The following FAM47C variants were observed in gnomAD, a reference collection of about 807,000 sequenced individuals.
The protein encoded by FAM47C is putative protein FAM47C.
For missense variants in FAM47C, 847 were observed against 879.9 expected (o/e 0.96, Z 0.47); for synonymous variants, 307 against 346.5 (o/e 0.89, Z 1.27).
Position 37,010,844 on chromosome X carries a change from C to A in FAM47C, c.2434C>A (p.Leu812Ile), listed in dbSNP as rs1927779111. 3 of 1,211,899 alleles carry A rather than the reference C, an allele frequency of 2.5e-6. No homozygotes were observed. Among genetic ancestry groups the A allele is most frequent in the South Asian group, 1.8e-5 (1 of 56,959 alleles). The change falls in exon 1 of 1, where the codon CTC becomes ATC. Residue 812 changes from leucine to isoleucine, a missense_variant. Physicochemically the swap from Leu to Ile is conservative, Grantham distance 5. Transcript: ENST00000358047. Reference sequence around the variant, plus strand: ...TCCCAAGACTGGTCGGGTGTCCAGTCTCTGCCCGGAGCCTACCAAGACCGG... The same window carrying A: ...TCCCAAGACTGGTCGGGTGTCCAGTATCTGCCCGGAGCCTACCAAGACCGG... ...EPPKTGRVSS[L>I]CPEPTKTGAS...
chrX:37,010,530 C>T lies in FAM47C; in HGVS notation c.2120C>T (p.Pro707Leu), dbSNP rs140624380. The T allele has an allele frequency of 1.1e-5, 13 of 1,203,230 alleles. No individual in the cohort carries two copies. In the African/African-American group the frequency reaches 2.2e-4, roughly 20 times the overall value. Residue 707 changes from proline (P) to leucine (L), a missense_variant, in exon 1 of 1, where the codon CCC becomes CTC. Coordinates refer to ENST00000358047, the MANE Select transcript of FAM47C (RefSeq NM_001013736.3). ...GTGTCCCGTCTCCACCCAGAGCCTCCCAAGACTCGGGTGTCCAGTCTCCAC... is the reference window on the plus strand; with the variant it reads ...GTGTCCCGTCTCCACCCAGAGCCTCTCAAGACTCGGGTGTCCAGTCTCCAC... ...TGVSRLHPEP[P>L]KTRVSSLHAE...
At position 37,008,385 on chromosome X, in the gene FAM47C, G is replaced by A. The variant is rs1398262408; in HGVS notation, c.-26G>A. The A allele has an allele frequency of 2.1e-5, 24 of 1,162,111 alleles. No individual in the cohort carries two copies. Among genetic ancestry groups the A allele is most frequent in the Non-Finnish European group, 2.6e-5 (23 of 868,272 alleles). On this transcript the variant is annotated 5_prime_UTR_variant, in exon 1 of 1. Transcript: ENST00000358047. The stretch of plus-strand genomic sequence containing the variant: ...GGGATCAGGAACCGCGGAAACTGGA[G>A]AGGTGGCACCCCAGCGAGGGCCACC...
Position 37,011,215 on chromosome X carries a change from G to C in FAM47C, c.2805G>C (p.Lys935Asn). 13 of 1,211,405 alleles carry C rather than the reference G, an allele frequency of 1.1e-5. No homozygotes were observed. Among genetic ancestry groups the C allele is most frequent in the Non-Finnish European group, 1.5e-5 (13 of 895,302 alleles). ...APNSHSAQHV[K>N]MGYGAWYLKP... ...ATTCTCATAGTGCACAGCATGTGAA[G>C]ATGGGGTATGGAGCATGGTACCTCA... The change falls in exon 1 of 1, where the codon AAG (lysine) becomes AAC (asparagine). Residue 935 changes from lysine to asparagine, a missense_variant. Lys to Asn is a moderately conservative substitution (Grantham distance 94). Coordinates refer to ENST00000358047, the MANE Select transcript of FAM47C (RefSeq NM_001013736.3).
At position 37,009,528 on chromosome X, in the gene FAM47C, C is replaced by A; in HGVS notation, c.1118C>A (p.Ala373Asp). 1 of 1,208,828 alleles carries A rather than the reference C, an allele frequency of 8.3e-7. No homozygotes were observed. Among genetic ancestry groups the A allele is most frequent in the Non-Finnish European group, 1.1e-6 (1 of 894,329 alleles). ...CCTCTCCGCCAGCTGCCTCCCGAGG[C>A]TGGAGTGTCCCATCTCTGCCCGGAA... ...VSPLRQLPPE[A>D]GVSHLCPEPP... The change falls in exon 1 of 1, where the codon GCT (alanine) becomes GAT (aspartate). Residue 373 changes from alanine to aspartate, a missense_variant. By Grantham distance (126) the Ala-to-Asp change is moderately radical (BLOSUM62 -2). Coordinates refer to ENST00000358047, the MANE Select transcript of FAM47C (RefSeq NM_001013736.3).
In FAM47C at chrX:37,011,600, G is replaced by T. The variant is rs1468566091; in HGVS notation, c.*82G>T. 1.3e-5 allele frequency: 12 copies of T among 895,435 alleles called. No individual in the cohort carries two copies. In the African/African-American group the frequency reaches 2.4e-4, roughly 18 times the overall value. 73.8% of individuals were successfully genotyped at this position (895,435 alleles called of 1,213,427 possible). On this transcript the variant is annotated 3_prime_UTR_variant, in exon 1 of 1. Transcript: ENST00000358047. ...TCAGAATTTATGATGACTGGCCCCA[G>T]GAATGTACAACGTTGGCAACATCTG...
At position 37,011,422 on chromosome X, in the gene FAM47C, G is replaced by A. The variant is rs782560952; in HGVS notation, c.3012G>A (p.Arg1004=). The change falls in exon 1 of 1, where the codon AGG becomes AGA. Residue 1004 remains arginine, a synonymous_variant. Transcript: ENST00000358047. ...TCATTCAAAGGCTGTTTGCCAGGAG[G>A]GGATGGACTTATGACTCTGTTAAGA... ...PGIIQRLFAR[R]GWTYDSVKTP... 45 of 1,210,434 alleles carry A rather than the reference G, an allele frequency of 3.7e-5. No individual in the cohort carries two copies. The highest frequency in any genetic ancestry group is 4.6e-5 in the Non-Finnish European group (41 of 895,311).
chrX:37,010,417 GC>G lies in FAM47C; in HGVS notation c.2013del (p.Glu672ArgfsTer153), dbSNP rs781887428. ...KTRVSSLPPE[P>X]PETGVSHLCP... ...CTCGGGTGTCCAGTCTCCCCCCGGA[GC>G]CCCCCGAGACTGGAGTGTCCCATCT... On this transcript the variant is annotated frameshift_variant, in exon 1 of 1. Transcript: ENST00000358047. LOFTEE classifies it low-confidence loss of function (END_TRUNC). The G allele has an allele frequency of 8.5e-7, 1 of 1,179,536 alleles. No homozygotes were observed. The highest frequency in any genetic ancestry group is 1.1e-6 in the Non-Finnish European group (1 of 882,677).
In FAM47C at chrX:37,010,520, C is replaced by T. The variant is rs200610681; in HGVS notation, c.2110C>T (p.Pro704Ser). The T allele has an allele frequency of 1.7e-4, 201 of 1,203,730 alleles. No homozygotes were observed. The highest frequency in any genetic ancestry group is 2.0e-4 in the Non-Finnish European group (182 of 893,370). The change falls in exon 1 of 1, where the codon CCA becomes TCA. Residue 704 changes from proline to serine, a missense_variant. Coordinates refer to ENST00000358047, the MANE Select transcript of FAM47C (RefSeq NM_001013736.3). ...PPETGVSRLHPEPPKTRVSSL... is the reference protein window; with the variant it reads ...PPETGVSRLHSEPPKTRVSSL... The stretch of plus-strand genomic sequence containing the variant: ...TGAGACTGGAGTGTCCCGTCTCCAC[C>T]CAGAGCCTCCCAAGACTCGGGTGTC...
chrX:37,008,897 G>A lies in FAM47C; in HGVS notation c.487G>A (p.Gly163Ser), dbSNP rs146977391. ...CCCTGAGAGGAAGCTGGAGGACGCAGGCTCTTGTGAGGGCCAGGAGAAGAC... is the reference window on the plus strand; with the variant it reads ...CCCTGAGAGGAAGCTGGAGGACGCAAGCTCTTGTGAGGGCCAGGAGAAGAC... Reference protein sequence around the residue: ...LDPERKLEDAGSCEGQEKTTD... With the variant: ...LDPERKLEDASSCEGQEKTTD... The change falls in exon 1 of 1, where the codon GGC becomes AGC. Residue 163 changes from glycine (G) to serine (S), a missense_variant. Gly to Ser is a moderately conservative substitution (Grantham distance 56). Transcript: ENST00000358047. 3.3e-5 allele frequency: 40 copies of A among 1,210,293 alleles called. No homozygotes were observed. The highest frequency in any genetic ancestry group is 4.4e-5 in the Non-Finnish European group (39 of 895,191).
Position 37,009,252 on chromosome X carries a change from A to T in FAM47C, c.842A>T (p.His281Leu). 8.3e-7 allele frequency: 1 copy of T among 1,203,350 alleles called. No individual in the cohort carries two copies. Among genetic ancestry groups the T allele is most frequent in the African/African-American group, 1.8e-5 (1 of 54,779 alleles). Residue 281 changes from histidine (H) to leucine (L), a missense_variant, in exon 1 of 1, where the codon CAT (histidine) becomes CTT (leucine). Coordinates refer to ENST00000358047, the MANE Select transcript of FAM47C (RefSeq NM_001013736.3). ...YLEPPGTGVS[H>L]LCPEPPKTRV... ...GAGCCTCCTGGGACTGGAGTGTCTC[A>T]TCTCTGCCCAGAGCCTCCCAAGACT...
In FAM47C at chrX:37,010,701, C is replaced by T. The variant is rs192457922; in HGVS notation, c.2291C>T (p.Pro764Leu). The change falls in exon 1 of 1, where the codon CCG becomes CTG. Residue 764 changes from proline (P) to leucine (L), a missense_variant. Pro to Leu is a moderately conservative substitution (Grantham distance 98). Coordinates refer to ENST00000358047, the MANE Select transcript of FAM47C (RefSeq NM_001013736.3). Reference protein sequence around the residue: ...PLETRVSHLRPEPPETGVSHL... With the variant: ...PLETRVSHLRLEPPETGVSHL... ...GAGACTCGCGTATCTCATCTCCGCC[C>T]GGAGCCTCCTGAGACTGGAGTGTCC... 9.8e-5 allele frequency: 118 copies of T among 1,206,706 alleles called. No individual in the cohort carries two copies. The highest frequency in any genetic ancestry group is 1.3e-4 in the Non-Finnish European group (112 of 894,212).
chrX:37,008,366 A>T lies in FAM47C; in HGVS notation c.-45A>T, dbSNP rs782564488. 20 of 1,129,704 alleles carry T rather than the reference A, an allele frequency of 1.8e-5. No individual in the cohort carries two copies. Among genetic ancestry groups the T allele is most frequent in the Non-Finnish European group, 2.4e-5 (20 of 850,852 alleles). 93.1% of individuals were successfully genotyped at this position (1,129,704 alleles called of 1,213,427 possible). A position where few individuals can be genotyped will look rare whatever the true frequency, so the allele number is the denominator to read the frequency against. On this transcript the variant is annotated 5_prime_UTR_variant, in exon 1 of 1. Coordinates refer to ENST00000358047, the MANE Select transcript of FAM47C (RefSeq NM_001013736.3). ...CCTAGCGACTAGAGCGTCAGGGATC[A>T]GGAACCGCGGAAACTGGAGAGGTGG...
At position 37,009,847 on chromosome X, in the gene FAM47C, A is replaced by G. The variant is rs782305410; in HGVS notation, c.1437A>G (p.Pro479=). ...TGTCCCATCTCTGCCCGGAGCCTCC[A>G]GAGAAGGACGTATCTCATCTCCGCC... is the stretch of plus-strand genomic sequence containing the variant. ...TGVSHLCPEP[P]EKDVSHLRPE... The change falls in exon 1 of 1, where the codon CCA becomes CCG. Residue 479 remains proline (P), a synonymous_variant. Coordinates refer to ENST00000358047, the MANE Select transcript of FAM47C (RefSeq NM_001013736.3). 1 of 1,170,662 alleles carries G rather than the reference A, an allele frequency of 8.5e-7. No individual in the cohort carries two copies.
Position 37,008,751 on chromosome X carries a change from G to A in FAM47C, c.341G>A (p.Arg114Gln), listed in dbSNP as rs782626816. 5.8e-6 allele frequency: 7 copies of A among 1,211,769 alleles called. No homozygotes were observed. The highest frequency in any genetic ancestry group is 7.8e-6 in the Non-Finnish European group (7 of 895,432). The stretch of plus-strand genomic sequence containing the variant: ...AAGCTCTCGCCAGCACAGCCAGCAC[G>A]GAAGGCGTTCGTAGAGGAAGTGGAA... The part of the protein sequence containing the change: ...FSKLSPAQPA[R>Q]KAFVEEVEAQ... The change falls in exon 1 of 1, where the codon CGG becomes CAG. Residue 114 changes from arginine to glutamine, a missense_variant. Coordinates refer to ENST00000358047, the MANE Select transcript of FAM47C (RefSeq NM_001013736.3).
In FAM47C at chrX:37,011,502, C is replaced by A. The variant is rs1556333493; in HGVS notation, c.3092C>A (p.Ala1031Glu). The A allele has an allele frequency of 8.4e-7, 1 of 1,183,970 alleles. No individual in the cohort carries two copies. Among genetic ancestry groups the A allele is most frequent in the Admixed American group, 2.4e-5 (1 of 42,142 alleles). ...AAGTACAAAGAAGACGTCACAGATGCATCGGAAGAAGATTAGATGGTTTTG... is the reference window on the plus strand; with the variant it reads ...AAGTACAAAGAAGACGTCACAGATGAATCGGAAGAAGATTAGATGGTTTTG... ...VYKYKEDVTD[A>E]SEED Residue 1031 changes from alanine to glutamate, a missense_variant, in exon 1 of 1, where the codon GCA (alanine) becomes GAA (glutamate). Transcript: ENST00000358047.
In FAM47C at chrX:37,008,627, C is replaced by T. The variant is rs1556331373; in HGVS notation, c.217C>T (p.Arg73Cys). The T allele has an allele frequency of 8.3e-7, 1 of 1,212,101 alleles. No homozygotes were observed. Among genetic ancestry groups the T allele is most frequent in the South Asian group, 1.8e-5 (1 of 57,018 alleles). ...QSPEDTLVCR[R>C]DEFLLPKISL... ...TCCTGAAGATACGCTTGTTTGTCGC[C>T]GTGACGAGTTTTTACTCCCCAAAAT... Residue 73 changes from arginine (R) to cysteine (C), a missense_variant, in exon 1 of 1, where the codon CGT becomes TGT. Physicochemically the swap from Arg to Cys is radical, Grantham distance 180. Transcript: ENST00000358047.
chrX:37,009,086 C>G lies in FAM47C; in HGVS notation c.676C>G (p.Pro226Ala), dbSNP rs781841477. 7 of 1,210,974 alleles carry G rather than the reference C, an allele frequency of 5.8e-6. No individual in the cohort carries two copies. The highest frequency in any genetic ancestry group is 7.8e-6 in the Non-Finnish European group (7 of 895,226). ...TGGAGTGTCCCATCTCCGCCCACAG[C>G]CTCCCAAGACTCAGGTGTCCAGTCT... ...ETGVSHLRPQ[P>A]PKTQVSSLHL... The change falls in exon 1 of 1, where the codon CCT becomes GCT. Residue 226 changes from proline to alanine, a missense_variant. Coordinates refer to ENST00000358047, the MANE Select transcript of FAM47C (RefSeq NM_001013736.3).
At position 37,011,093 on chromosome X, in the gene FAM47C, T is replaced by G; in HGVS notation, c.2683T>G (p.Ser895Ala). 1 of 1,212,034 alleles carries G rather than the reference T, an allele frequency of 8.3e-7. No individual in the cohort carries two copies. The highest frequency in any genetic ancestry group is 1.1e-6 in the Non-Finnish European group (1 of 895,644). The change falls in exon 1 of 1, where the codon TCA becomes GCA. Residue 895 changes from serine to alanine, a missense_variant. Ser to Ala is a moderately conservative substitution (Grantham distance 99, BLOSUM62 1). Transcript: ENST00000358047. The part of the protein sequence containing the change: ...QKNKKANECS[S>A]GLKYSMELDE... Reference sequence around the variant, plus strand: ...GAATAAGAAGGCAAACGAGTGTTCCTCAGGGCTGAAGTACAGCATGGAGCT... The same window carrying G: ...GAATAAGAAGGCAAACGAGTGTTCCGCAGGGCTGAAGTACAGCATGGAGCT...
Position 37,011,002 on chromosome X carries a change from T to G in FAM47C, c.2592T>G (p.Asn864Lys). 8.2e-7 allele frequency: 1 copy of G among 1,212,187 alleles called. No individual in the cohort carries two copies. The highest frequency in any genetic ancestry group is 3.0e-5 in the East Asian group (1 of 33,860). Reference sequence around the variant, plus strand: ...AGTGGGCTGGAGACCTAGGAGTTAATGAAGAATCCATCAGCAGTCTGTTTG... The same window carrying G: ...AGTGGGCTGGAGACCTAGGAGTTAAGGAAGAATCCATCAGCAGTCTGTTTG... ...DFKWAGDLGV[N>K]EESISSLFDF... Residue 864 changes from asparagine to lysine, a missense_variant, in exon 1 of 1, where the codon AAT (asparagine) becomes AAG (lysine). Asn to Lys is a moderately conservative substitution (Grantham distance 94, BLOSUM62 0). Transcript: ENST00000358047.
Sources: allele counts gnomAD v4.1 joint callset, GRCh38; gene constraint gnomAD v4.1.1; transcripts MANE v1.5; gene names NCBI Gene and HGNC (gene_info 2026-07-23, HGNC 2026-07-21).